Variants in SNX9 observed in about 807,000 individuals in gnomAD.
The protein encoded by SNX9 is sorting nexin-9.
In SNX9, 44 loss-of-function variants were observed where a neutral mutation model predicts 89.4. The observed-to-expected ratio is 0.49, with a 90% CI of 0.39 to 0.63. SNX9 has a LOEUF of 0.63. Among genes scored for constraint, SNX9 ranks in the 30% least tolerant of loss-of-function variants. The pLI is 0.00. For missense variants in SNX9, 578 were observed against 736.1 expected (o/e 0.79, Z 2.49); for synonymous variants, 236 against 247.8 (o/e 0.95, Z 0.45).
chr6:157,864,594 A>G (rs905585435), intron 1 of SNX9, among the ~76,000 whole-genome samples: 3 of 152,194 alleles, frequency 2.0e-5, no homozygotes, highest in African/African-American at 4.8e-5. Context: ...ACACAACAGC[A>G]GGTTCCTCAT....
chr6:157,899,788 C>G (rs1048036118), intron 5 of SNX9, among the ~76,000 whole-genome samples: 3 of 152,004 alleles, frequency 2.0e-5, no homozygotes, highest in Non-Finnish European at 1.5e-5. Flanking sequence ...AAAAAATTAT[C>G]TATATTTGAG....
chr6:157,828,556 C>T lies in SNX9; in HGVS notation c.12+5110C>T, dbSNP rs370485379. On this transcript the variant is annotated intron_variant, in intron 1 of 17. Coordinates refer to ENST00000392185, the MANE Select transcript of SNX9 (RefSeq NM_016224.5). The stretch of plus-strand genomic sequence containing the variant: ...TCATCCAGGCTGGAGTGCAGTGGCA[C>T]GAACACAGCTCACGGCAGTCTCGAC... 9.2e-5 allele frequency among the ~76,000 whole-genome samples: 14 copies of T among 152,090 alleles called. No homozygotes were observed. In the East Asian group the frequency reaches 1.5e-3, roughly 17 times the overall value.
At chr6:157,917,638 C>T (rs867826324) in intron 9 of SNX9, among the ~76,000 whole-genome samples, 1 of 152,124 alleles carries the variant, frequency 6.6e-6, no homozygotes, top group Non-Finnish European at 1.5e-5. Flanking sequence ...GCTCAAGTCC[C>T]TGATATAAAA....
At chr6:157,937,312 C>T in intron 14 of SNX9, 122 bp from the exon 15 acceptor site, 2 of 619,434 alleles carry the variant, frequency 3.2e-6, no homozygotes, top group Non-Finnish European at 5.6e-6. Context: ...GATCTGAATG[C>T]TTAACACTCA....
chr6:157,903,737 AC>A (rs1219914936), intron 6 of SNX9, among the ~76,000 whole-genome samples: 15 of 151,502 alleles, frequency 9.9e-5, no homozygotes, highest in African/African-American at 3.6e-4. Flanking sequence ...TCTGCTCCAC[AC>A]TTGCTCTCTG....
chr6:157,824,504 G>T (rs1781304887), intron 1 of SNX9, among the ~76,000 whole-genome samples: 1 of 152,182 alleles, frequency 6.6e-6, no homozygotes, highest in Non-Finnish European at 1.5e-5. Context: ...TGGGTTGCTA[G>T]AAACGTTATT....
chr6:157,867,216 A>G (rs1782282359), intron 1 of SNX9, among the ~76,000 whole-genome samples: 1 of 152,162 alleles, frequency 6.6e-6, no homozygotes, highest in Non-Finnish European at 1.5e-5. Context: ...TAGTCTCCCA[A>G]GTAGCAGGGA....
intron 3 of SNX9, chr6:157,874,317 T>C (rs1782477451): frequency 6.6e-6 from 1 of 152,254 alleles, no homozygotes; most frequent in African/African-American, 2.4e-5. Flanking sequence ...AGGTCTTATG[T>C]TGAAGTCTTG....
chr6:157,837,457 A>G (rs1008695672), intron 1 of SNX9, among the ~76,000 whole-genome samples: 3 of 152,264 alleles, frequency 2.0e-5, no homozygotes, highest in African/African-American at 7.2e-5. Context: ...TCCTGTTCTT[A>G]AATTACTTAT....
chr6:157,909,984 C>T lies in SNX9; in HGVS notation c.908C>T (p.Ser303Leu). Reference sequence around the variant, plus strand: ...GAGCGTCTCCTGGTTAAGTTTGGGTCAGCCATTCCAATCCCTTCTCTTCCA... The same window carrying T: ...GAGCGTCTCCTGGTTAAGTTTGGGTTAGCCATTCCAATCCCTTCTCTTCCA... ...LYERLLVKFG[S>L]AIPIPSLPDK... Residue 303 changes from serine (S) to leucine (L), a missense_variant, in exon 9 of 18, where the codon TCA becomes TTA. Ser to Leu is a moderately radical substitution (Grantham distance 145, BLOSUM62 -2). Transcript: ENST00000392185. 6.2e-7 allele frequency: 1 copy of T among 1,614,098 alleles called. No homozygotes were observed. Among genetic ancestry groups the T allele is most frequent in the Non-Finnish European group, 8.5e-7 (1 of 1,180,002 alleles).
At chr6:157,888,542 T>C (rs1782784780) in intron 4 of SNX9, among the ~76,000 whole-genome samples, 2 of 152,222 alleles carry the variant, frequency 1.3e-5, no homozygotes, top group South Asian at 4.1e-4. Flanking sequence ...TTTTCACTCT[T>C]GTTCACTGGG....
At chr6:157,933,397 T>C (rs1199172826) in intron 13 of SNX9, among the ~76,000 whole-genome samples, 3 of 152,236 alleles carry the variant, frequency 2.0e-5, no homozygotes, top group African/African-American at 7.2e-5. Flanking sequence ...GTGTTGATCC[T>C]GATACTCAAG....
chr6:157,858,976 A>G (rs188001725), intron 1 of SNX9, among the ~76,000 whole-genome samples: 2 of 152,326 alleles, frequency 1.3e-5, no homozygotes, highest in Admixed American at 6.5e-5. Context: ...CAGCCAAACC[A>G]TATCACATAC....
At chr6:157,862,271 A>G (rs1562597036) in intron 1 of SNX9, among the ~76,000 whole-genome samples, 2 of 152,214 alleles carry the variant, frequency 1.3e-5, no homozygotes, top group African/African-American at 4.8e-5. Context: ...AGGGTCTGTG[A>G]AAGTAAGTTC....
At chr6:157,862,379 G>C (rs1782154503) in intron 1 of SNX9, among the ~76,000 whole-genome samples, 1 of 152,044 alleles carries the variant, frequency 6.6e-6, no homozygotes, top group Non-Finnish European at 1.5e-5. Context: ...AGTTAAACAA[G>C]CTTGCCATTT....
chr6:157,853,047 T>C (rs1207830325), intron 1 of SNX9, among the ~76,000 whole-genome samples: 2 of 151,966 alleles, frequency 1.3e-5, no homozygotes, highest in African/African-American at 4.8e-5. Flanking sequence ...CCATTCCTGG[T>C]GCTCTTCCTT....
At chr6:157,908,374 T>A (rs1465169007) in intron 7 of SNX9, among the ~76,000 whole-genome samples, 1 of 152,250 alleles carries the variant, frequency 6.6e-6, no homozygotes, top group Non-Finnish European at 1.5e-5. Flanking sequence ...TTTTTCATTC[T>A]CTTCTTGGAT....
chr6:157,915,623 T>TAAAAAAAAAAAAAAA (rs1172699831), intron 9 of SNX9, among the ~76,000 whole-genome samples: 5 of 71,260 alleles, frequency 7.0e-5, no homozygotes, highest in East Asian at 2.8e-4. Flanking sequence ...CCATCTCTAC[T>TAAAAAAAAAAAAAAA]AAAAAAAAAA....
Position 157,906,196 on chromosome 6 carries a change from A to G in SNX9, c.689A>G (p.Glu230Gly), listed in dbSNP as rs759668076. ...GCCAAACAACTAGCAAAACCCAAAG[A>G]GAAAATTCCCATCATTGTAAGTTTG... ...LLAKQLAKPK[E>G]KIPIIVGDYG... Residue 230 changes from glutamate (E) to glycine (G), a missense_variant, in exon 7 of 18, where the codon GAG becomes GGG. Glu to Gly is a moderately conservative substitution (Grantham distance 98). Around this residue, in one of 2 missense-constraint regions of SNX9, gnomAD observed 348 missense variants for 491.4 expected, o/e 0.71. Transcript: ENST00000392185. 2 of 1,600,140 alleles carry G rather than the reference A, an allele frequency of 1.2e-6. No individual in the cohort carries two copies. The highest frequency in any genetic ancestry group is 1.7e-6 in the Non-Finnish European group (2 of 1,176,380).
Sources: allele counts gnomAD v4.1 joint callset (sites outside exome capture counted in the v4.1 genomes callset), GRCh38; gene constraint gnomAD v4.1.1; regional missense constraint gnomAD v4.1.1; transcripts MANE v1.5; gene names NCBI Gene and HGNC (gene_info 2026-07-23, HGNC 2026-07-21).